The following CEP128 variants were observed in gnomAD, a reference collection of about 807,000 sequenced individuals.
CEP128 encodes the protein centrosomal protein 128, also known as centrosomal protein 128kDa.
Under a neutral mutation model 156.7 loss-of-function variants are expected in CEP128, and 132 were observed. The observed-to-expected ratio is 0.84, with a 90% CI of 0.73 to 0.97. The LOEUF (loss-of-function observed/expected upper bound fraction) is 0.97. Ranked by LOEUF, CEP128 falls within the 50% of genes least tolerant of loss-of-function variation. CEP128 has a pLI of 0.00. For missense variants in CEP128, 1,252 were observed against 1,281.9 expected (o/e 0.98, Z 0.36); for synonymous variants, 469 against 448.9 (o/e 1.04, Z -0.57).
Position 80,861,892 on chromosome 14 carries a change from ATAAG to A in CEP128, c.762+861_762+864del, listed in dbSNP as rs1295440627. ...AATCAGTTGACTTTAAGATTCACAG[ATAAG>A]TATGTATATCATGTCTGCAAATTAA... On this transcript the variant is annotated intron_variant, in intron 9 of 24. Coordinates refer to ENST00000555265, the MANE Select transcript of CEP128 (RefSeq NM_152446.5). 2.6e-5 allele frequency among the ~76,000 whole-genome samples: 4 copies of A among 152,314 alleles called. No homozygotes were observed. In the East Asian group the frequency reaches 7.7e-4, roughly 29 times the overall value.
chr14:80,782,550 C>T (rs1239003394), intron 15 of CEP128, among the ~76,000 whole-genome samples: 1 of 152,166 alleles, frequency 6.6e-6, no homozygotes, highest in Non-Finnish European at 1.5e-5. Context: ...CACTACTGTC[C>T]TATTCTACTT....
rs1469647530 is a variant in CEP128 at position 80,784,883 on chromosome 14, T to C, written c.2211+12A>G. The C allele has an allele frequency of 1.3e-6, 2 of 1,583,798 alleles. No homozygotes were observed. The highest frequency in any genetic ancestry group is 2.7e-5 in the African/African-American group (2 of 73,738). On this transcript the variant is annotated intron_variant, in intron 15 of 24. Coordinates refer to ENST00000555265, the MANE Select transcript of CEP128 (RefSeq NM_152446.5). ...TTCCTTCAGTATCATCAGGATAATT[T>C]AGCAGAGGTACCTTCAGAGTCCTGA...
At chr14:80,641,389 C>G (rs1392392224) in intron 19 of CEP128, among the ~76,000 whole-genome samples, 1 of 152,220 alleles carries the variant, frequency 6.6e-6, no homozygotes, top group Admixed American at 6.5e-5. Flanking sequence ...CCAGCGTGCC[C>G]TTTCCACTTG....
chr14:80,712,967 T>C (rs1897467748), intron 19 of CEP128, among the ~76,000 whole-genome samples: 1 of 152,148 alleles, frequency 6.6e-6, no homozygotes, highest in African/African-American at 2.4e-5. Flanking sequence ...AACCCATCCT[T>C]AGATAATACC....
At chr14:80,674,383 T>TC in intron 19 of CEP128, among the ~76,000 whole-genome samples, 1 of 152,176 alleles carries the variant, frequency 6.6e-6, no homozygotes, top group Non-Finnish European at 1.5e-5. Context: ...ATAATGCTTT[T>TC]CCATTTCTGC....
At chr14:80,738,179 C>A (rs912547966) in intron 19 of CEP128, among the ~76,000 whole-genome samples, 1 of 152,000 alleles carries the variant, frequency 6.6e-6, no homozygotes, top group African/African-American at 2.4e-5. Context: ...GAAAAGTAAA[C>A]CAATATATAA....
chr14:80,504,885 A>C (rs1887898206), intron 24 of CEP128, 27 bp downstream of exon 24: 1 of 1,257,078 alleles, frequency 8.0e-7, no homozygotes, highest in Non-Finnish European at 1.1e-6. Flanking sequence ...TCTAATTTAA[A>C]AATGGGTACA....
chr14:80,935,605 T>A (rs1337327972), intron 2 of CEP128, among the ~76,000 whole-genome samples: 3 of 65,056 alleles, frequency 4.6e-5, no homozygotes, highest in African/African-American at 2.0e-4. Context: ...TAAATAAAAA[T>A]AAAGTACTTA....
intron 13 of CEP128, among the ~76,000 whole-genome samples, chr14:80,793,821 AATC>A (rs1901845452): frequency 6.6e-6 from 1 of 152,164 alleles, no homozygotes; most frequent in Admixed American, 6.5e-5. Flanking sequence ...AATTACACTA[AATC>A]ATCATGATTA....
At chr14:80,933,850 T>C (rs1437259228) in intron 2 of CEP128, among the ~76,000 whole-genome samples, 1 of 152,220 alleles carries the variant, frequency 6.6e-6, no homozygotes, top group Non-Finnish European at 1.5e-5. Context: ...GCAGAAGCAC[T>C]GTGTATAAAT....
chr14:80,800,623 G>C (rs945434263), intron 13 of CEP128, among the ~76,000 whole-genome samples: 1 of 152,168 alleles, frequency 6.6e-6, no homozygotes. Flanking sequence ...AGGAACTCCT[G>C]AAGAGGAATC....
intron 19 of CEP128, among the ~76,000 whole-genome samples, chr14:80,640,213 T>C (rs1894351948): frequency 6.6e-6 from 1 of 152,142 alleles, no homozygotes; most frequent in Non-Finnish European, 1.5e-5. Flanking sequence ...TTCTAGCACA[T>C]AAAATATGTC....
At chr14:80,629,072 C>T (rs939493931) in intron 19 of CEP128, among the ~76,000 whole-genome samples, 1 of 147,134 alleles carries the variant, frequency 6.8e-6, no homozygotes, top group Admixed American at 6.8e-5. Context: ...AAAAAACAAA[C>T]GGGTTTAACT....
chr14:80,774,626 C>T lies in CEP128; in HGVS notation c.2376+3256G>A, dbSNP rs777200287. The stretch of plus-strand genomic sequence containing the variant: ...ATATACATATGTGTGTGTGTGTGTG[C>T]GTGTGTGTGTATGTGTGTGTGTGTG... On this transcript the variant is annotated intron_variant, in intron 16 of 24. Coordinates refer to ENST00000555265, the MANE Select transcript of CEP128 (RefSeq NM_152446.5). Among the ~76,000 whole-genome samples the T allele has an allele frequency of 1.5e-4, 23 of 150,500 alleles. 1 individual carries two copies. Among genetic ancestry groups the T allele is most frequent in the Middle Eastern group, 3.4e-3 (1 of 292 alleles).
At chr14:80,819,664 T>G (rs539965923) in intron 13 of CEP128, among the ~76,000 whole-genome samples, 1 of 152,146 alleles carries the variant, frequency 6.6e-6, no homozygotes, top group Non-Finnish European at 1.5e-5. Context: ...ATTTGAAATT[T>G]TGAATTTTGG....
chr14:80,479,552 G>C (rs1594895794), intron 14 of CEP128, among the ~76,000 whole-genome samples: 1 of 152,122 alleles, frequency 6.6e-6, no homozygotes, highest in South Asian at 2.1e-4. Flanking sequence ...GGGAAAGATA[G>C]GCCCCCATGA....
intron 19 of CEP128, among the ~76,000 whole-genome samples, chr14:80,727,085 C>T (rs184640506): frequency 3.9e-4 from 60 of 152,208 alleles, no homozygotes; most frequent in Admixed American, 3.5e-3. Flanking sequence ...AACTGAAAGA[C>T]AAGTACAATA....
intron 15 of CEP128, among the ~76,000 whole-genome samples, chr14:80,782,593 C>T (rs961779255): frequency 6.6e-6 from 1 of 152,178 alleles, no homozygotes; most frequent in Admixed American, 6.5e-5. Context: ...TCAAGATTCA[C>T]ATCAATTTCC....
At chr14:80,581,799 G>T (rs1412286102) in intron 19 of CEP128, among the ~76,000 whole-genome samples, 13 of 152,300 alleles carry the variant, frequency 8.5e-5, no homozygotes, top group Non-Finnish European at 1.8e-4. Context: ...GTGTATGGAA[G>T]ATTGTTTAAG....
Sources: allele counts gnomAD v4.1 joint callset (sites outside exome capture counted in the v4.1 genomes callset), GRCh38; gene constraint gnomAD v4.1.1; transcripts MANE v1.5; gene names NCBI Gene and HGNC (gene_info 2026-07-23, HGNC 2026-07-21).